Variants in ZRANB3 observed in about 807,000 individuals in gnomAD.
ZRANB3 encodes the protein DNA annealing helicase and endonuclease ZRANB3.
A neutral mutation model predicts 133.8 loss-of-function variants in ZRANB3; 125 were observed. That is an observed-to-expected ratio of 0.93 (90% CI 0.81 to 1.08). The LOEUF (loss-of-function observed/expected upper bound fraction) is 1.08. ZRANB3 is among the 50% of genes least tolerant of loss of function. ZRANB3 has a pLI of 0.00. For synonymous variants in ZRANB3, 387 were observed against 432.7 expected, an observed-to-expected ratio of 0.89 and a Z score of 1.31; for missense variants, 1,229 against 1,275.5, an observed-to-expected ratio of 0.96 and a Z score of 0.56.
intron 6 of ZRANB3, among the ~76,000 whole-genome samples, chr2:135,318,036 G>A (rs1355759114): frequency 2.0e-5 from 3 of 152,068 alleles, no homozygotes; most frequent in African/African-American, 4.8e-5. Flanking sequence ...TAAATTTGCT[G>A]AATTTGAAGA....
chr2:135,517,005 C>T (rs186954837), intron 1 of ZRANB3, among the ~76,000 whole-genome samples: 1 of 152,006 alleles, frequency 6.6e-6, no homozygotes, highest in African/African-American at 2.4e-5. Flanking sequence ...TGTCTTCACA[C>T]TTTATTTCAT....
intron 1 of ZRANB3, among the ~76,000 whole-genome samples, chr2:135,509,301 C>A (rs1693337345): frequency 6.6e-6 from 1 of 152,038 alleles, no homozygotes; most frequent in African/African-American, 2.4e-5. Context: ...CCATTTAGGT[C>A]AAAGAACCTC....
intron 2 of ZRANB3, among the ~76,000 whole-genome samples, chr2:135,444,015 G>A (rs907676472): frequency 6.6e-6 from 1 of 151,738 alleles, no homozygotes; most frequent in Non-Finnish European, 1.5e-5. Flanking sequence ...TGGCAAACAA[G>A]CACATGAAAA....
intron 6 of ZRANB3, among the ~76,000 whole-genome samples, chr2:135,316,981 A>ATATATAT (rs1290372721): frequency 1.3e-4 from 18 of 140,636 alleles, no homozygotes; most frequent in African/African-American, 4.9e-4. Context: ...AAAAAAAAAA[A>ATATATAT]AAATATATAT....
intron 12 of ZRANB3, among the ~76,000 whole-genome samples, chr2:135,262,364 T>G (rs1344173687): frequency 6.6e-6 from 1 of 152,122 alleles, no homozygotes; most frequent in East Asian, 1.9e-4. Context: ...AACTTCACAT[T>G]AAATTTTTAA....
intron 18 of ZRANB3, among the ~76,000 whole-genome samples, chr2:135,208,472 TAG>T (rs1415357193): frequency 2.0e-5 from 3 of 152,258 alleles, no homozygotes; most frequent in Non-Finnish European, 2.9e-5. Context: ...TCAATTTTGT[TAG>T]AAAGTCCTAC....
intron 2 of ZRANB3, among the ~76,000 whole-genome samples, chr2:135,407,217 T>C (rs1688080314): frequency 6.6e-6 from 1 of 152,106 alleles, no homozygotes; most frequent in East Asian, 1.9e-4. Context: ...GAACTCCCAT[T>C]CACAATTGCT....
chr2:135,204,650 AATATATATATATAC>A (rs1693777869), intron 19 of ZRANB3, among the ~76,000 whole-genome samples: 1 of 141,762 alleles, frequency 7.1e-6, no homozygotes, highest in Non-Finnish European at 1.5e-5. Context: ...AAAAAAAAAA[AATATATATATATAC>A]ATATATATAT....
chr2:135,282,492 C>G (rs1197682554), intron 8 of ZRANB3, among the ~76,000 whole-genome samples: 1 of 152,152 alleles, frequency 6.6e-6, no homozygotes, highest in African/African-American at 2.4e-5. Flanking sequence ...TTTTACAGAG[C>G]CTCATGCCCA....
intron 2 of ZRANB3, among the ~76,000 whole-genome samples, chr2:135,487,647 A>G (rs1474915127): frequency 6.6e-6 from 1 of 152,160 alleles, no homozygotes; most frequent in Non-Finnish European, 1.5e-5. Context: ...GTTTTTCCTT[A>G]ATCCTCATGA....
At chr2:135,372,766 GAC>G (rs1046203773) in intron 3 of ZRANB3, among the ~76,000 whole-genome samples, 1 of 143,316 alleles carries the variant, frequency 7.0e-6, no homozygotes, top group African/African-American at 2.6e-5. Flanking sequence ...CAGCCTGGGC[GAC>G]AGAGCGAGAC....
At chr2:135,428,859 G>A (rs1342043775) in intron 2 of ZRANB3, among the ~76,000 whole-genome samples, 1 of 152,186 alleles carries the variant, frequency 6.6e-6, no homozygotes, top group Non-Finnish European at 1.5e-5. Flanking sequence ...ATCCGGAATG[G>A]CTATTACTAA....
chr2:135,440,449 A>G (rs1454087739), intron 2 of ZRANB3, among the ~76,000 whole-genome samples: 6 of 151,868 alleles, frequency 4.0e-5, no homozygotes, highest in Non-Finnish European at 8.8e-5. Context: ...AGGGACCAGC[A>G]CTCCTAACTC....
intron 6 of ZRANB3, among the ~76,000 whole-genome samples, chr2:135,343,010 CAAA>C (rs11435525): frequency 1.8e-5 from 1 of 55,232 alleles, no homozygotes; most frequent in Admixed American, 2.3e-4. Flanking sequence ...ACTAAAAATC[CAAA>C]AAAAAAAAAA....
chr2:135,351,483 C>T (rs774449136), intron 4 of ZRANB3, among the ~76,000 whole-genome samples: 9 of 151,986 alleles, frequency 5.9e-5, no homozygotes, highest in African/African-American at 1.9e-4. Context: ...CCTTGTGATC[C>T]GCCCGCCCTG....
chr2:135,383,921 A>C (rs1314798219), intron 3 of ZRANB3, among the ~76,000 whole-genome samples: 1 of 152,208 alleles, frequency 6.6e-6, no homozygotes, highest in Non-Finnish European at 1.5e-5. Flanking sequence ...CCCTGACAAC[A>C]CAATTAAAAG....
intron 1 of ZRANB3, among the ~76,000 whole-genome samples, chr2:135,525,796 C>T (rs1234016118): frequency 7.0e-6 from 1 of 141,906 alleles, no homozygotes; most frequent in African/African-American, 2.6e-5. Flanking sequence ...TGCAGTGGGC[C>T]GAGATCACAC....
intron 7 of ZRANB3, among the ~76,000 whole-genome samples, chr2:135,314,210 C>T (rs1028795629): frequency 1.3e-5 from 2 of 151,954 alleles, no homozygotes. Flanking sequence ...ACATAAGAAA[C>T]ATAAGAAAGC....
chr2:135,478,396 C>A (rs1312291081), intron 2 of ZRANB3, among the ~76,000 whole-genome samples: 1 of 152,052 alleles, frequency 6.6e-6, no homozygotes, highest in South Asian at 2.1e-4. Flanking sequence ...CCCCCCGAAG[C>A]CTCTCTTGTG....
Sources: allele counts gnomAD v4.1 joint callset (sites outside exome capture counted in the v4.1 genomes callset), GRCh38; gene constraint gnomAD v4.1.1; transcripts MANE v1.5; gene names NCBI Gene and HGNC (gene_info 2026-07-23, HGNC 2026-07-21).